BANF2: variants seen among roughly 807,000 people sequenced by gnomAD.
BANF2 encodes the protein barrier-to-autointegration factor-like protein.
BANF2 carries 4 observed loss-of-function variants against 8.0 expected under a neutral mutation model. The observed-to-expected ratio is 0.50, with a 90% CI of 0.25 to 1.14. The LOEUF is 1.14. Among genes scored for constraint, BANF2 ranks in the 50% most tolerant of loss-of-function variants. The pLI is 0.16. For missense variants in BANF2, 96 were observed against 107.5 expected (o/e 0.89, Z 0.47); for synonymous variants, 50 against 40.6 (o/e 1.23, Z -0.88).
chr20:17,731,734 G>C (rs1436577112), intron 3 of BANF2, among the ~76,000 whole-genome samples: 4 of 129,280 alleles, frequency 3.1e-5, no homozygotes, highest in African/African-American at 1.2e-4. Context: ...TAGCCTGTGT[G>C]ACGGAATGAG....
chr20:17,711,598 G>C (rs1257649253), intron 1 of BANF2, among the ~76,000 whole-genome samples: 1 of 152,176 alleles, frequency 6.6e-6, no homozygotes, highest in South Asian at 2.1e-4. Flanking sequence ...GGGGGCTCTG[G>C]AGCCGGAATG....
chr20:17,717,799 A>T (rs2037677344), intron 1 of BANF2, among the ~76,000 whole-genome samples: 1 of 152,160 alleles, frequency 6.6e-6, no homozygotes. Context: ...CCTTGTGACT[A>T]CTGTCTATAA....
intron 3 of BANF2, among the ~76,000 whole-genome samples, chr20:17,730,263 A>G (rs1291567936): frequency 6.6e-6 from 1 of 152,160 alleles, no homozygotes; most frequent in Admixed American, 6.5e-5. Context: ...TAGAGACCAC[A>G]TGTGGATTGC....
chr20:17,717,221 G>A (rs1319578154), intron 1 of BANF2, among the ~76,000 whole-genome samples: 2 of 152,064 alleles, frequency 1.3e-5, no homozygotes, highest in South Asian at 2.1e-4. Context: ...ACTGTAGACC[G>A]AAGGCACAGC....
chr20:17,702,548 C>A (rs765287830), intron 1 of BANF2, among the ~76,000 whole-genome samples: 5 of 152,208 alleles, frequency 3.3e-5, no homozygotes, highest in Non-Finnish European at 7.3e-5. Flanking sequence ...ACACAGACCT[C>A]TGCTGCCAGT....
chr20:17,725,896 C>G (rs940716749), intron 3 of BANF2, among the ~76,000 whole-genome samples: 7 of 152,110 alleles, frequency 4.6e-5, no homozygotes, highest in Non-Finnish European at 1.0e-4. Context: ...ACAGAAACAC[C>G]CAAAGAGGCT....
intron 1 of BANF2, among the ~76,000 whole-genome samples, chr20:17,701,550 A>G (rs1459075140): frequency 6.6e-6 from 1 of 152,194 alleles, no homozygotes; most frequent in Non-Finnish European, 1.5e-5. Context: ...TTCCATCAGC[A>G]TGGAAGGGAA....
chr20:17,708,048 A>C (rs866200424), intron 1 of BANF2, among the ~76,000 whole-genome samples: 2,190 of 145,934 alleles, frequency 0.015, 85 homozygotes, highest in African/African-American at 0.035. Flanking sequence ...CTAAAAATCA[A>C]AAAAAAAAAA....
At chr20:17,715,627 T>A (rs1037718927) in intron 1 of BANF2, among the ~76,000 whole-genome samples, 59 of 152,344 alleles carry the variant, frequency 3.9e-4, no homozygotes, top group Non-Finnish European at 6.8e-4. Context: ...TCCTGATGCC[T>A]AAGCCATGGG....
chr20:17,716,941 T>C (rs1568813656), intron 1 of BANF2, among the ~76,000 whole-genome samples: 1 of 151,922 alleles, frequency 6.6e-6, no homozygotes, highest in Non-Finnish European at 1.5e-5. Context: ...CTTGAACTCC[T>C]GGGCTCAAGT....
chr20:17,704,264 C>A (rs35140813), intron 1 of BANF2, among the ~76,000 whole-genome samples: 15,768 of 152,230 alleles, frequency 0.1, 894 homozygotes, highest in East Asian at 0.15. Context: ...TGCTTCTCAA[C>A]TTTGATCATG....
At chr20:17,711,811 C>A (rs971958320) in intron 1 of BANF2, among the ~76,000 whole-genome samples, 3 of 152,214 alleles carry the variant, frequency 2.0e-5, no homozygotes, top group African/African-American at 7.2e-5. Context: ...CTTGTAGCAG[C>A]TGGGTGCACC....
chr20:17,694,562 T>A (rs1439867861), intron 1 of BANF2, among the ~76,000 whole-genome samples: 1 of 151,356 alleles, frequency 6.6e-6, no homozygotes, highest in East Asian at 1.9e-4. Flanking sequence ...ATTGTAGTGT[T>A]TTATAGTTTG....
chr20:17,705,774 G>A (rs2037473281), intron 1 of BANF2, among the ~76,000 whole-genome samples: 1 of 152,220 alleles, frequency 6.6e-6, no homozygotes, highest in African/African-American at 2.4e-5. Context: ...AGTTCATGCT[G>A]GGATTACCCC....
chr20:17,695,600 G>GT (rs2037340503), upstream of BANF2, among the ~76,000 whole-genome samples: 2 of 138,916 alleles, frequency 1.4e-5, no homozygotes, highest in Non-Finnish European at 3.1e-5. Flanking sequence ...GAAAAACCTA[G>GT]GGTGTGTGTG....
chr20:17,735,688 C>A lies in BANF2; in HGVS notation c.150C>A (p.Phe50Leu), dbSNP rs1159163041. Residue 50 changes from phenylalanine to leucine, a missense_variant, in exon 4 of 4, where the codon TTC (phenylalanine) becomes TTA (leucine). By Grantham distance (22) the Phe-to-Leu change is conservative. Coordinates refer to ENST00000246090, the MANE Select transcript of BANF2 (RefSeq NM_178477.5). ...INKAYILLGQ[F>L]LLMHKNEAEF... Reference sequence around the variant, plus strand: ...AGGCCTACATCCTGCTGGGACAATTCCTTCTGATGCACAAGAATGAAGCCG... The same window carrying A: ...AGGCCTACATCCTGCTGGGACAATTACTTCTGATGCACAAGAATGAAGCCG... The A allele has an allele frequency of 2.7e-5, 44 of 1,613,846 alleles. No homozygotes were observed. The highest frequency in any genetic ancestry group is 3.7e-5 in the Non-Finnish European group (44 of 1,179,876).
intron 3 of BANF2, 113 bp downstream of exon 3, chr20:17,725,264 G>A: frequency 7.4e-7 from 1 of 1,350,302 alleles, no homozygotes; most frequent in Non-Finnish European, 1.0e-6. Flanking sequence ...AGAGAGCAAA[G>A]CTGCCGCTTG....
intron 3 of BANF2, among the ~76,000 whole-genome samples, chr20:17,726,295 C>T (rs1482186561): frequency 6.6e-6 from 1 of 152,152 alleles, no homozygotes; most frequent in Non-Finnish European, 1.5e-5. Context: ...AAGCGATCCT[C>T]TCACCTCACC....
Position 17,725,042 on chromosome 20 carries a change from C to T in BANF2, c.17C>T (p.Pro6Leu), listed in dbSNP as rs1415541789. The change falls in exon 3 of 4, where the codon CCC (proline) becomes CTC (leucine). Residue 6 changes from proline to leucine, a missense_variant. Pro to Leu is a moderately conservative substitution (Grantham distance 98, BLOSUM62 -3). Coordinates refer to ENST00000246090, the MANE Select transcript of BANF2 (RefSeq NM_178477.5). ...TCGCAGGAGATGGACAACATGTCTC[C>T]CAGGCTGAGAGCCTTCCTCTCCGAA... is the stretch of plus-strand genomic sequence containing the variant. MDNMS[P>L]RLRAFLSEPI... 1 of 1,607,766 alleles carries T rather than the reference C, an allele frequency of 6.2e-7. No homozygotes were observed. Among genetic ancestry groups the T allele is most frequent in the Non-Finnish European group, 8.5e-7 (1 of 1,174,278 alleles).
Sources: allele counts gnomAD v4.1 joint callset (sites outside exome capture counted in the v4.1 genomes callset), GRCh38; gene constraint gnomAD v4.1.1; transcripts MANE v1.5; gene names NCBI Gene and HGNC (gene_info 2026-07-23, HGNC 2026-07-21).